The following LYN variants were observed in gnomAD, a reference collection of about 807,000 sequenced individuals.
The protein encoded by LYN is tyrosine-protein kinase Lyn.
A neutral mutation model predicts 65.0 loss-of-function variants in LYN; 12 were observed. That is an observed-to-expected ratio of 0.18 (90% CI 0.12 to 0.30). The LOEUF is 0.30. Among genes scored for constraint, LYN ranks in the 10% least tolerant of loss-of-function variants. The pLI is 1.00. For synonymous variants in LYN, 222 were observed against 221.2 expected, an observed-to-expected ratio of 1.00 and a Z score of -0.03; for missense variants, 380 against 623.2, an observed-to-expected ratio of 0.61 and a Z score of 4.16.
intron 8 of LYN, among the ~76,000 whole-genome samples, chr8:55,963,341 A>G (rs1419176658): frequency 1.3e-5 from 2 of 152,212 alleles, no homozygotes; most frequent in Admixed American, 6.5e-5. Context: ...GCAATATGCC[A>G]GTCCCCACGT....
intron 12 of LYN, among the ~76,000 whole-genome samples, chr8:56,003,891 AT>A (rs1232809318): frequency 1.4e-5 from 2 of 146,958 alleles, no homozygotes; most frequent in African/African-American, 2.5e-5. Context: ...GAAATTTCTA[AT>A]TTTTTTACAA....
At chr8:55,889,101 T>A (rs1011852004) in intron 1 of LYN, among the ~76,000 whole-genome samples, 9 of 152,148 alleles carry the variant, frequency 5.9e-5, no homozygotes, top group African/African-American at 1.9e-4. Flanking sequence ...CACTGCAACC[T>A]CCACCTCCCA....
At chr8:55,886,116 C>T (rs942855432) in intron 1 of LYN, among the ~76,000 whole-genome samples, 34 of 152,188 alleles carry the variant, frequency 2.2e-4, no homozygotes, top group African/African-American at 6.3e-4. Flanking sequence ...GTAGACGTTT[C>T]GAAATCTTTT....
chr8:55,969,697 T>G lies in LYN; in HGVS notation c.974-20T>G. 1 of 1,595,912 alleles carries G rather than the reference T, an allele frequency of 6.3e-7. No individual in the cohort carries two copies. Among genetic ancestry groups the G allele is most frequent in the Non-Finnish European group, 8.6e-7 (1 of 1,163,404 alleles). On this transcript the variant is annotated intron_variant, in intron 9 of 12. Transcript: ENST00000519728. ...CTTGTGTGTTTGGAATGCACTAACT[T>G]GTTCTTTCTTTCTCCATAGGCAGTT...
Position 55,953,820 on chromosome 8 carries a change from C to T in LYN, c.638-12C>T, listed in dbSNP as rs776498382. Reference sequence around the variant, plus strand: ...TGCATTTCTTAACCTTCATTTTTCCCTTTCAAATTAGAGCAGGCAGATGGC... The same window carrying T: ...TGCATTTCTTAACCTTCATTTTTCCTTTTCAAATTAGAGCAGGCAGATGGC... On this transcript the variant is annotated splice_polypyrimidine_tract_variant and intron_variant, in intron 7 of 12. Coordinates refer to ENST00000519728, the MANE Select transcript of LYN (RefSeq NM_002350.4). The T allele has an allele frequency of 1.2e-6, 2 of 1,610,638 alleles. No homozygotes were observed. Among genetic ancestry groups the T allele is most frequent in the African/African-American group, 1.3e-5 (1 of 74,478 alleles).
chr8:55,955,298 G>A (rs1338196667), intron 8 of LYN: 1 of 152,178 alleles, frequency 6.6e-6, no homozygotes, highest in Non-Finnish European at 1.5e-5. Flanking sequence ...TGCACTGTAA[G>A]TCTTTCTGCA....
At chr8:55,907,000 T>C (rs1805446887) in intron 1 of LYN, among the ~76,000 whole-genome samples, 1 of 152,194 alleles carries the variant, frequency 6.6e-6, no homozygotes, top group South Asian at 2.1e-4. Flanking sequence ...TAAACAGGTA[T>C]AGCCACTTGC....
intron 10 of LYN, among the ~76,000 whole-genome samples, chr8:55,976,640 GCTA>G (rs1329924228): frequency 6.6e-6 from 1 of 152,174 alleles, no homozygotes; most frequent in Non-Finnish European, 1.5e-5. Context: ...GGCACCGCAT[GCTA>G]CTTTCAGAGT....
intron 12 of LYN, among the ~76,000 whole-genome samples, chr8:56,006,326 T>C (rs937202774): frequency 7.2e-5 from 11 of 152,100 alleles, no homozygotes; most frequent in Non-Finnish European, 1.5e-4. Context: ...ATAGTAATAA[T>C]AATTTGCCCT....
At chr8:56,004,540 C>G (rs1446209030) in intron 12 of LYN, among the ~76,000 whole-genome samples, 1 of 151,740 alleles carries the variant, frequency 6.6e-6, no homozygotes, top group East Asian at 1.9e-4. Context: ...GTGATCCACC[C>G]ACCTCAGCCT....
At chr8:55,889,155 A>C (rs1393742378) in intron 1 of LYN, among the ~76,000 whole-genome samples, 1 of 152,086 alleles carries the variant, frequency 6.6e-6, no homozygotes, top group African/African-American at 2.4e-5. Flanking sequence ...AGCTAGGATT[A>C]CAGGCCCCGC....
chr8:55,911,110 TATATAC>T (rs1369330939), intron 1 of LYN, among the ~76,000 whole-genome samples: 1 of 9,634 alleles, frequency 1.0e-4, no homozygotes, highest in African/African-American at 2.8e-4. Flanking sequence ...CATACACGTA[TATATAC>T]GTATATATAT....
intron 10 of LYN, among the ~76,000 whole-genome samples, chr8:55,973,749 A>T (rs776438526): frequency 1.3e-4 from 20 of 152,232 alleles, no homozygotes; most frequent in Non-Finnish European, 2.9e-4. Flanking sequence ...AAATTACTAA[A>T]AATGGAACAA....
Position 55,879,953 on chromosome 8 carries a change from C to A in LYN, c.-156C>A. The A allele has an allele frequency of 4.4e-6, 1 of 225,150 alleles. No homozygotes were observed. Among genetic ancestry groups the A allele is most frequent in the Admixed American group, 5.2e-5 (1 of 19,386 alleles). 13.9% of individuals were successfully genotyped at this position (225,150 alleles called of 1,614,324 possible). On this transcript the variant is annotated 5_prime_UTR_variant, in exon 1 of 13. Coordinates refer to ENST00000519728, the MANE Select transcript of LYN (RefSeq NM_002350.4). ...AGCGGGGCGGCCGCGCCACCCCCGGCCCCGCGCCAGCAGCCCCTCGCCGCG... is the reference window on the plus strand; with the variant it reads ...AGCGGGGCGGCCGCGCCACCCCCGGACCCGCGCCAGCAGCCCCTCGCCGCG...
intron 1 of LYN, among the ~76,000 whole-genome samples, chr8:55,904,637 C>G (rs1805370354): frequency 2.6e-5 from 4 of 152,130 alleles, no homozygotes; most frequent in African/African-American, 7.2e-5. Context: ...GTAATCCCAG[C>G]TACTCGGGAG....
chr8:55,930,533 G>T (rs1447345610), intron 1 of LYN, among the ~76,000 whole-genome samples: 1 of 152,052 alleles, frequency 6.6e-6, no homozygotes, highest in Admixed American at 6.6e-5. Context: ...CCTTTAAATG[G>T]TCTATTTCCC....
chr8:55,955,241 T>C (rs902556841), intron 8 of LYN: 6 of 152,216 alleles, frequency 3.9e-5, no homozygotes, highest in African/African-American at 1.2e-4. Context: ...GAAGTGACTT[T>C]TAAACACGGC....
intron 10 of LYN, among the ~76,000 whole-genome samples, chr8:55,993,149 T>C (rs1468838816): frequency 6.6e-6 from 1 of 152,204 alleles, no homozygotes; most frequent in African/African-American, 2.4e-5. Flanking sequence ...CTGTTAAGGA[T>C]GCCTTAACTT....
intron 12 of LYN, among the ~76,000 whole-genome samples, chr8:56,004,993 TA>T (rs1230350204): frequency 1.3e-5 from 2 of 152,114 alleles, no homozygotes; most frequent in African/African-American, 4.8e-5. Flanking sequence ...CTATGTTGCC[TA>T]GGCTGGTTTC....
Sources: allele counts gnomAD v4.1 joint callset (sites outside exome capture counted in the v4.1 genomes callset), GRCh38; gene constraint gnomAD v4.1.1; transcripts MANE v1.5; gene names NCBI Gene and HGNC (gene_info 2026-07-23, HGNC 2026-07-21).